Variants in RSRC1 observed in about 807,000 individuals in gnomAD.
The protein encoded by RSRC1 is arginine and serine rich coiled-coil 1.
RSRC1 carries 39 observed loss-of-function variants against 49.1 expected under a neutral mutation model. The observed-to-expected ratio is 0.79, with a 90% CI of 0.61 to 1.04. The LOEUF (loss-of-function observed/expected upper bound fraction) is 1.04, where lower values mean the gene tolerates loss of function less well. RSRC1 is among the 50% of genes least tolerant of loss of function. RSRC1 has a pLI of 0.00. For synonymous variants in RSRC1, 143 were observed against 130.8 expected, an observed-to-expected ratio of 1.09 and a Z score of -0.63; for missense variants, 388 against 402.4, an observed-to-expected ratio of 0.96 and a Z score of 0.31.
At position 158,270,972 on chromosome 3, in the gene RSRC1, C is replaced by T. The variant is rs1025602484; in HGVS notation, c.495-27067C>T. 2.6e-5 allele frequency among the ~76,000 whole-genome samples: 4 copies of T among 152,018 alleles called. 1 individual carries two copies. The highest frequency in any genetic ancestry group is 1.3e-4 in the Admixed American group (2 of 15,264). ...CTGGAACTTGAAAGAATTGGGTGAA[C>T]TTAGGCTGCTCCAGAAAGACTTCTC... is the stretch of plus-strand genomic sequence containing the variant. On this transcript the variant is annotated intron_variant, in intron 4 of 9. Coordinates refer to ENST00000611884, the MANE Select transcript of RSRC1 (RefSeq NM_001271838.2).
intron 7 of RSRC1, among the ~76,000 whole-genome samples, chr3:158,477,729 T>G (rs985335047): frequency 6.7e-6 from 1 of 148,402 alleles, no homozygotes; most frequent in Non-Finnish European, 1.5e-5. Flanking sequence ...ATGCCTGTAA[T>G]GTATGAAATG....
rs1445904672 is a variant in RSRC1 at position 158,511,919 on chromosome 3, C to T, written c.653-25173C>T. On this transcript the variant is annotated intron_variant, in intron 7 of 9. Coordinates refer to ENST00000611884, the MANE Select transcript of RSRC1 (RefSeq NM_001271838.2). ...TGTGTCTTTTGGCTGCATAAATGTC[C>T]TCTTTTGAGAAGTGTCTGTTCATGT... Among the ~76,000 whole-genome samples the T allele has an allele frequency of 3.1e-3, 467 of 151,182 alleles. 5 individuals carry two copies. The highest frequency in any genetic ancestry group is 0.011 in the African/African-American group (448 of 40,960).
At chr3:158,162,994 C>G (rs538274584) in intron 3 of RSRC1, among the ~76,000 whole-genome samples, 1 of 152,068 alleles carries the variant, frequency 6.6e-6, no homozygotes, top group South Asian at 2.1e-4. Context: ...TCCCTTTCCT[C>G]TTGAAATAAT....
intron 5 of RSRC1, among the ~76,000 whole-genome samples, chr3:158,332,031 A>G (rs1332040675): frequency 6.6e-6 from 1 of 152,014 alleles, no homozygotes; most frequent in Non-Finnish European, 1.5e-5. Flanking sequence ...GTCATTTTTT[A>G]GGTCAGAAAA....
chr3:158,287,309 T>C (rs1162722426), intron 4 of RSRC1, among the ~76,000 whole-genome samples: 2 of 152,194 alleles, frequency 1.3e-5, no homozygotes, highest in Non-Finnish European at 2.9e-5. Flanking sequence ...TATTTATAAT[T>C]GTAATGTGAA....
At chr3:158,248,557 A>T (rs1360516214) in intron 4 of RSRC1, among the ~76,000 whole-genome samples, 1 of 150,840 alleles carries the variant, frequency 6.6e-6, no homozygotes, top group Admixed American at 6.6e-5. Flanking sequence ...TGTTTTTGTT[A>T]TCTGGAAATT....
chr3:158,149,156 TAC>T, intron 3 of RSRC1, among the ~76,000 whole-genome samples: 1 of 152,318 alleles, frequency 6.6e-6, no homozygotes. Flanking sequence ...TACTACTGAG[TAC>T]AGTTTATCTT....
intron 6 of RSRC1, among the ~76,000 whole-genome samples, chr3:158,389,255 C>CA (rs1480326562): frequency 6.6e-6 from 1 of 152,050 alleles, no homozygotes; most frequent in Non-Finnish European, 1.5e-5. Context: ...TAAAGAAAAG[C>CA]AGAGTGTTCA....
intron 5 of RSRC1, among the ~76,000 whole-genome samples, chr3:158,304,132 C>T (rs1200318774): frequency 2.6e-5 from 4 of 152,094 alleles, no homozygotes; most frequent in Non-Finnish European, 5.9e-5. Flanking sequence ...GGTCAAGTAA[C>T]ACAGTCTGAC....
At chr3:158,198,242 G>A (rs1720767321) in intron 3 of RSRC1, among the ~76,000 whole-genome samples, 1 of 152,142 alleles carries the variant, frequency 6.6e-6, no homozygotes, top group African/African-American at 2.4e-5. Flanking sequence ...TTACCATTAT[G>A]TAATGGCCTT....
At chr3:158,515,388 G>A (rs1740457149) in intron 7 of RSRC1, among the ~76,000 whole-genome samples, 1 of 127,832 alleles carries the variant, frequency 7.8e-6, no homozygotes, top group Admixed American at 8.0e-5. Context: ...GAAATTCTGG[G>A]TTGAAAATTC....
intron 3 of RSRC1, among the ~76,000 whole-genome samples, chr3:158,163,529 C>G (rs549196106): frequency 2.0e-4 from 31 of 152,162 alleles, no homozygotes; most frequent in African/African-American, 7.5e-4. Context: ...TCATGTCTCT[C>G]TGAATTACGT....
intron 6 of RSRC1, among the ~76,000 whole-genome samples, chr3:158,386,040 C>A (rs544176832): frequency 6.6e-6 from 1 of 152,130 alleles, no homozygotes; most frequent in African/African-American, 2.4e-5. Flanking sequence ...TTTTAGCAGT[C>A]ATTGAAGAAT....
chr3:158,307,170 T>C (rs1727884690), intron 5 of RSRC1, among the ~76,000 whole-genome samples: 1 of 151,870 alleles, frequency 6.6e-6, no homozygotes, highest in Admixed American at 6.6e-5. Flanking sequence ...ATGAATATTA[T>C]TTTTAAGGAA....
rs191864638 is a variant in RSRC1 at position 158,215,987 on chromosome 3, C to A, written c.494+12742C>A. Among the ~76,000 whole-genome samples the A allele has an allele frequency of 4.6e-5, 7 of 151,336 alleles. No homozygotes were observed. The East Asian group carries it at 1.4e-3, about 30-fold the overall frequency. ...TGAGCTTCTGCTTGAGATAATTTTT[C>A]TTTATCCTGAAGAGCATCCCTTATT... On this transcript the variant is annotated intron_variant, in intron 4 of 9. Transcript: ENST00000611884.
At chr3:158,534,674 A>G (rs1714508) in intron 7 of RSRC1, among the ~76,000 whole-genome samples, 7,871 of 151,666 alleles carry the variant, frequency 0.052, 296 homozygotes, top group Middle Eastern at 0.082. Flanking sequence ...TAAAGCTGTA[A>G]CTGTGAAAGC....
intron 3 of RSRC1, among the ~76,000 whole-genome samples, chr3:158,170,684 A>G (rs77947310): frequency 0.026 from 4,004 of 152,274 alleles, 162 homozygotes; most frequent in African/African-American, 0.092. Context: ...ACAGTGGGCA[A>G]GGGAAGCAAA....
chr3:158,145,787 T>A (rs1272024903), intron 3 of RSRC1, among the ~76,000 whole-genome samples: 1 of 152,250 alleles, frequency 6.6e-6, no homozygotes, highest in African/African-American at 2.4e-5. Context: ...TTCCATTTGT[T>A]TGTATCCTCT....
At chr3:158,305,469 G>C (rs949066312) in intron 5 of RSRC1, among the ~76,000 whole-genome samples, 3 of 151,988 alleles carry the variant, frequency 2.0e-5, no homozygotes, top group African/African-American at 7.2e-5. Context: ...TGCAATAACT[G>C]AATATTGTAT....
Sources: gnomAD v4.1 joint callset for allele counts (sites outside exome capture counted in the v4.1 genomes callset) on GRCh38, gnomAD v4.1.1 for gene constraint, MANE v1.5 for transcripts, NCBI Gene and HGNC (gene_info 2026-07-23, HGNC 2026-07-21) for gene names.